ARPC1B: variants seen among roughly 807,000 people sequenced by gnomAD.
ARPC1B encodes actin related protein 2/3 complex subunit 1B.
Under a neutral mutation model 46.0 loss-of-function variants are expected in ARPC1B, and 29 were observed. That is an observed-to-expected ratio of 0.63 (90% CI 0.47 to 0.86). The LOEUF (loss-of-function observed/expected upper bound fraction) is 0.86, where lower values mean the gene tolerates loss of function less well. Among genes scored for constraint, ARPC1B ranks in the 40% least tolerant of loss-of-function variants. The pLI is 0.00. For synonymous variants in ARPC1B, 201 were observed against 213.9 expected, an observed-to-expected ratio of 0.94 and a Z score of 0.53; for missense variants, 469 against 529.4, an observed-to-expected ratio of 0.89 and a Z score of 1.12.
intron 1 of ARPC1B, among the ~76,000 whole-genome samples, chr7:99,376,950 G>A (rs555337639): frequency 3.4e-4 from 52 of 151,610 alleles, no homozygotes; most frequent in Admixed American, 1.8e-3. Flanking sequence ...GGGTAAAATC[G>A]CCCTGATAGA....
Position 99,390,027 on chromosome 7 carries a change from C to A in ARPC1B, c.500+15C>A, listed in dbSNP as rs768378369. The A allele has an allele frequency of 6.2e-7, 1 of 1,610,222 alleles. No individual in the cohort carries two copies. Among genetic ancestry groups the A allele is most frequent in the South Asian group, 1.1e-5 (1 of 91,026 alleles). Reference sequence around the variant, plus strand: ...TTCAAGTGTCGGTGAGACAGGGCGCCATGGGGGAGGGCGGGGCTGACGTCA... The same window carrying A: ...TTCAAGTGTCGGTGAGACAGGGCGCAATGGGGGAGGGCGGGGCTGACGTCA... On this transcript the variant is annotated intron_variant, in intron 5 of 9. Coordinates refer to ENST00000646101, the MANE Select transcript of ARPC1B (RefSeq NM_005720.4).
intron 8 of ARPC1B, 82 bp downstream of exon 8, chr7:99,392,958 T>C (rs1794619786): frequency 7.4e-7 from 1 of 1,342,996 alleles, no homozygotes; most frequent in Admixed American, 2.6e-5. Context: ...GGGCCTGGAG[T>C]CTTCCTCCTG....
intron 1 of ARPC1B, among the ~76,000 whole-genome samples, chr7:99,375,438 A>G (rs1794008095): frequency 6.6e-6 from 1 of 152,106 alleles, no homozygotes; most frequent in Non-Finnish European, 1.5e-5. Flanking sequence ...GCACCCCCTC[A>G]GCTGCAGGGC....
chr7:99,390,960 C>A lies in ARPC1B; in HGVS notation c.568C>A (p.Pro190Thr). The change falls in exon 6 of 10, where the codon CCC becomes ACC. Residue 190 changes from proline (P) to threonine (T), a missense_variant. Transcript: ENST00000646101. Reference sequence around the variant, plus strand: ...ACCCACCCCGTGGGGCTCCAAGATGCCCTTTGGGGAACTGATGTTCGAATC... The same window carrying A: ...ACCCACCCCGTGGGGCTCCAAGATGACCTTTGGGGAACTGATGTTCGAATC... ...PAPTPWGSKM[P>T]FGELMFESSS... 3 of 1,613,908 alleles carry A rather than the reference C, an allele frequency of 1.9e-6. 1 individual carries two copies. In the South Asian group the frequency reaches 3.3e-5, roughly 18 times the overall value.
In ARPC1B at chr7:99,393,961, T is replaced by C. The variant is rs1456904627; in HGVS notation, c.990-68T>C. 3.3e-6 allele frequency: 5 copies of C among 1,534,062 alleles called. No homozygotes were observed. In the African/African-American group the frequency reaches 6.8e-5, roughly 21 times the overall value. On this transcript the variant is annotated intron_variant, in intron 8 of 9. Transcript: ENST00000646101. ...CCCCAAGAAGTCTGGGAGCGCCTGG[T>C]GGACAGGGTGGGCCTGAGCCCAGCG... is the stretch of plus-strand genomic sequence containing the variant.
At chr7:99,380,981 G>A (rs1227683091) in intron 1 of ARPC1B, among the ~76,000 whole-genome samples, 1 of 152,182 alleles carries the variant, frequency 6.6e-6, no homozygotes, top group African/African-American at 2.4e-5. Flanking sequence ...TTGTCGGGGT[G>A]TAGATGAGCA....
At chr7:99,393,617 G>A (rs1794656396) in intron 8 of ARPC1B, among the ~76,000 whole-genome samples, 2 of 152,172 alleles carry the variant, frequency 1.3e-5, no homozygotes, top group Admixed American at 6.5e-5. Context: ...GAGGGAGCGG[G>A]AGCTGTATGG....
intron 3 of ARPC1B, 47 bp downstream of exon 3, chr7:99,386,836 T>A: frequency 6.7e-7 from 1 of 1,484,030 alleles, no homozygotes; most frequent in Non-Finnish European, 9.4e-7. Flanking sequence ...AGGTGGTGGG[T>A]TGGGGGGGTG....
chr7:99,394,461 C>T lies in ARPC1B; in HGVS notation c.1091C>T (p.Ser364Leu), dbSNP rs144187782. The change falls in exon 10 of 10, where the codon TCA (serine) becomes TTA (leucine). Residue 364 changes from serine to leucine, a missense_variant. Coordinates refer to ENST00000646101, the MANE Select transcript of ARPC1B (RefSeq NM_005720.4). Reference protein sequence around the residue: ...MSIWDVKSLESALKDLKIK With the variant: ...MSIWDVKSLELALKDLKIK Reference sequence around the variant, plus strand: ...TCTGCCTCCCTGCAGAGCTTGGAGTCAGCCTTGAAGGACCTCAAGATCAAA... The same window carrying T: ...TCTGCCTCCCTGCAGAGCTTGGAGTTAGCCTTGAAGGACCTCAAGATCAAA... The T allele has an allele frequency of 2.8e-3, 4,546 of 1,613,946 alleles. 9 individuals carry two copies. Among genetic ancestry groups the T allele is most frequent in the Non-Finnish European group, 3.5e-3 (4,143 of 1,179,918 alleles).
chr7:99,391,172 C>T lies in ARPC1B; in HGVS notation c.708-6C>T. 6.2e-7 allele frequency: 1 copy of T among 1,613,922 alleles called. No individual in the cohort carries two copies. The highest frequency in any genetic ancestry group is 8.5e-7 in the Non-Finnish European group (1 of 1,179,918). On this transcript the variant is annotated splice_polypyrimidine_tract_variant and splice_region_variant and intron_variant, in intron 6 of 9. Coordinates refer to ENST00000646101, the MANE Select transcript of ARPC1B (RefSeq NM_005720.4). ...GACACCGTGACTCACAGCTCTCTCCCCTCAGCGTCGCGACTCTGGCCTCTG... is the reference window on the plus strand; with the variant it reads ...GACACCGTGACTCACAGCTCTCTCCTCTCAGCGTCGCGACTCTGGCCTCTG...
intron 3 of ARPC1B, 25 bp downstream of exon 3, chr7:99,386,814 C>T (rs374986251): frequency 4.8e-5 from 76 of 1,582,036 alleles, no homozygotes; most frequent in Non-Finnish European, 6.3e-5. Context: ...CTGGGACCAC[C>T]GTCCTGAAAG....
chr7:99,391,565 T>C (rs912731692), intron 7 of ARPC1B, among the ~76,000 whole-genome samples: 1 of 151,920 alleles, frequency 6.6e-6, no homozygotes, highest in Non-Finnish European at 1.5e-5. Flanking sequence ...GGCAACACAG[T>C]GTGAGACCCT....
At chr7:99,394,149 A>G (rs772561026) in intron 9 of ARPC1B, 30 bp downstream of exon 9, 2 of 1,608,234 alleles carry the variant, frequency 1.2e-6, no homozygotes, top group East Asian at 2.2e-5. Context: ...GCTTCCCGCC[A>G]TGCCTCCCAG....
Position 99,391,159 on chromosome 7 carries a change from C to T in ARPC1B, c.708-19C>T, listed in dbSNP as rs1222349963. ...TGCAGAGGAGTGGGACACCGTGACT[C>T]ACAGCTCTCTCCCCTCAGCGTCGCG... On this transcript the variant is annotated intron_variant, in intron 6 of 9. Transcript: ENST00000646101. The T allele has an allele frequency of 6.2e-7, 1 of 1,613,784 alleles. No individual in the cohort carries two copies. Among genetic ancestry groups the T allele is most frequent in the Non-Finnish European group, 8.5e-7 (1 of 1,179,828 alleles).
Position 99,386,785 on chromosome 7 carries a change from G to A in ARPC1B, c.165G>A (p.Val55=), listed in dbSNP as rs1222206860. Residue 55 remains valine (V), a synonymous_variant, in exon 3 of 10, where the codon GTG becomes GTA. Coordinates refer to ENST00000646101, the MANE Select transcript of ARPC1B (RefSeq NM_005720.4). ...VHELKEHNGQ[V]TGIDWAPESN... Reference sequence around the variant, plus strand: ...AGCTCAAGGAGCACAACGGGCAGGTGACAGGTATGTCAGGGTGGCTGGGAC... The same window carrying A: ...AGCTCAAGGAGCACAACGGGCAGGTAACAGGTATGTCAGGGTGGCTGGGAC... 9 of 1,613,190 alleles carry A rather than the reference G, an allele frequency of 5.6e-6. No homozygotes were observed. The highest frequency in any genetic ancestry group is 6.8e-6 in the Non-Finnish European group (8 of 1,179,542).
intron 1 of ARPC1B, among the ~76,000 whole-genome samples, chr7:99,379,028 C>T (rs985900865): frequency 2.0e-5 from 3 of 152,072 alleles, no homozygotes; most frequent in African/African-American, 7.2e-5. Flanking sequence ...CCACCCACCT[C>T]GGCCTCCCAA....
rs1794670087 is a variant in ARPC1B at position 99,393,933 on chromosome 7, G to A, written c.990-96G>A. The A allele has an allele frequency of 3.2e-6, 4 of 1,256,552 alleles. No homozygotes were observed. In the South Asian group the frequency reaches 4.8e-5, roughly 15 times the overall value. 77.8% of individuals were successfully genotyped at this position (1,256,552 alleles called of 1,614,324 possible). A position where few individuals can be genotyped will look rare whatever the true frequency, so the allele number is the denominator to read the frequency against. ...CCCTCGGTACTTCTCACTAAAGCCC[G>A]CTCCCCAAGAAGTCTGGGAGCGCCT... is the stretch of plus-strand genomic sequence containing the variant. On this transcript the variant is annotated intron_variant, in intron 8 of 9. Transcript: ENST00000646101.
intron 3 of ARPC1B, among the ~76,000 whole-genome samples, chr7:99,387,394 A>G (rs1794425051): frequency 3.9e-5 from 6 of 151,936 alleles, no homozygotes; most frequent in Admixed American, 3.3e-4. Flanking sequence ...AGATTGCACC[A>G]CTGCACTCCA....
chr7:99,374,315 G>C (rs893174843), upstream of ARPC1B: 1 of 152,062 alleles, frequency 6.6e-6, no homozygotes, highest in African/African-American at 2.4e-5. The surrounding 1 kb of genome is among the most constrained non-coding windows in gnomAD (Gnocchi z 5.0). Context: ...CTGCCGACGG[G>C]GCTGCAGGGC....
Sources: gnomAD v4.1 joint callset for allele counts (sites outside exome capture counted in the v4.1 genomes callset) on GRCh38, gnomAD v4.1.1 for gene constraint, Gnocchi (gnomAD v3.1) non-coding constraint, MANE v1.5 for transcripts, NCBI Gene and HGNC (gene_info 2026-07-23, HGNC 2026-07-21) for gene names.